ARHGAP24: variants seen among roughly 807,000 people sequenced by gnomAD.
The protein encoded by ARHGAP24 is rho GTPase-activating protein 24.
ARHGAP24 carries 50 observed loss-of-function variants against 76.4 expected under a neutral mutation model. The observed-to-expected ratio is 0.65, with a 90% CI of 0.52 to 0.83. The LOEUF (loss-of-function observed/expected upper bound fraction) is 0.83, where lower values mean the gene tolerates loss of function less well. Ranked by LOEUF, ARHGAP24 falls within the 40% of genes least tolerant of loss-of-function variation. The pLI, the probability that ARHGAP24 is intolerant of heterozygous loss-of-function variation, is 0.00. For synonymous variants in ARHGAP24, 345 were observed against 323.3 expected (o/e 1.07, Z -0.72); for missense variants, 930 against 914.2 (o/e 1.02, Z -0.22).
chr4:85,951,444 G>A (rs796518585), intron 5 of ARHGAP24, among the ~76,000 whole-genome samples: 9 of 152,152 alleles, frequency 5.9e-5, no homozygotes, highest in African/African-American at 2.2e-4. Context: ...GCCAGGGAAC[G>A]TTCGTTAGTT....
chr4:85,934,926 TAC>T (rs376594899), intron 4 of ARHGAP24, among the ~76,000 whole-genome samples: 27 of 151,420 alleles, frequency 1.8e-4, no homozygotes, highest in Non-Finnish European at 2.8e-4. Context: ...TGCGTGCACA[TAC>T]ACACACACAC....
intron 5 of ARHGAP24, among the ~76,000 whole-genome samples, chr4:85,954,514 C>T (rs346486): frequency 0.65 from 99,425 of 152,094 alleles, 33,740 homozygotes; most frequent in African/African-American, 0.83. Flanking sequence ...ATGCACCAAA[C>T]ATTTATCAAG....
intron 1 of ARHGAP24, among the ~76,000 whole-genome samples, chr4:85,555,690 G>A (rs1276872102): frequency 6.6e-5 from 10 of 152,194 alleles, no homozygotes; most frequent in Admixed American, 6.5e-4. Context: ...GCAGGAGAAG[G>A]GACCTTGCCA....
In ARHGAP24 at chr4:85,612,792, C is replaced by CTTTTTTTTTTT. The variant is rs70948739; in HGVS notation, c.180+42083_180+42093dup. ...AGCTAAAGCCCTATCCTTTCCATTCCTTTTTTTTTTTTTTTTTTTTTTGTG... is the reference window on the plus strand; with the variant it reads ...AGCTAAAGCCCTATCCTTTCCATTCCTTTTTTTTTTTTTTTTTTTTTTTTTTTTTTTTTGTG... On this transcript the variant is annotated intron_variant, in intron 2 of 9. Transcript: ENST00000395184. Among the ~76,000 whole-genome samples the CTTTTTTTTTTT allele has an allele frequency of 1.2e-3, 101 of 82,784 alleles. 5 individuals are homozygous for CTTTTTTTTTTT. The highest frequency in any genetic ancestry group is 4.4e-3 in the East Asian group (10 of 2,286). The allele number at this position is 82,784 out of a possible 152,430, so 54.3% of individuals were successfully genotyped here.
chr4:85,906,930 A>G (rs751751952), intron 3 of ARHGAP24, among the ~76,000 whole-genome samples: 3 of 152,156 alleles, frequency 2.0e-5, no homozygotes, highest in Non-Finnish European at 4.4e-5. Context: ...CATCGTTTCT[A>G]TTTTAAAGAA....
chr4:85,541,192 C>G (rs1327780756), intron 1 of ARHGAP24, among the ~76,000 whole-genome samples: 2 of 98,566 alleles, frequency 2.0e-5, no homozygotes, highest in African/African-American at 1.7e-4. Context: ...CTCGCTCTGT[C>G]GCCCAGGCTG....
chr4:85,643,210 CTTT>C (rs151056596), intron 2 of ARHGAP24, among the ~76,000 whole-genome samples: 24 of 62,128 alleles, frequency 3.9e-4, no homozygotes, highest in East Asian at 7.9e-3. Context: ...TTCTACTTTT[CTTT>C]TTTATTTTCC....
chr4:85,593,851 A>G (rs897298621), intron 2 of ARHGAP24, among the ~76,000 whole-genome samples: 10 of 151,990 alleles, frequency 6.6e-5, no homozygotes, highest in African/African-American at 2.4e-4. Context: ...TCTTAGTTAC[A>G]ATAGCTTTGT....
intron 3 of ARHGAP24, among the ~76,000 whole-genome samples, chr4:85,870,475 T>C (rs1732464530): frequency 1.3e-5 from 2 of 152,206 alleles, no homozygotes; most frequent in Admixed American, 6.6e-5. Flanking sequence ...GCAAAAGCTC[T>C]GATTTGTGTA....
intron 4 of ARHGAP24, among the ~76,000 whole-genome samples, chr4:85,929,747 A>G (rs3806762): frequency 0.67 from 102,167 of 152,142 alleles, 34,523 homozygotes; most frequent in African/African-American, 0.73. Flanking sequence ...ACACATACAC[A>G]TGTATAAATA....
At chr4:85,740,478 C>T (rs1375867944) in intron 3 of ARHGAP24, among the ~76,000 whole-genome samples, 1 of 152,030 alleles carries the variant, frequency 6.6e-6, no homozygotes, top group Non-Finnish European at 1.5e-5. Context: ...CTGCCTCGGC[C>T]TTATATAGGG....
At chr4:85,509,508 T>G (rs1724196037) in intron 1 of ARHGAP24, among the ~76,000 whole-genome samples, 1 of 152,044 alleles carries the variant, frequency 6.6e-6, no homozygotes, top group South Asian at 2.1e-4. Flanking sequence ...AACAAAATTC[T>G]TAGTATATTA....
intron 3 of ARHGAP24, among the ~76,000 whole-genome samples, chr4:85,737,056 C>T (rs1315495485): frequency 1.3e-5 from 2 of 152,016 alleles, no homozygotes; most frequent in Non-Finnish European, 2.9e-5. Context: ...TGAAGGTACT[C>T]AATGGAAAAA....
intron 3 of ARHGAP24, among the ~76,000 whole-genome samples, chr4:85,808,369 C>T (rs142771607): frequency 3.3e-5 from 5 of 152,214 alleles, no homozygotes; most frequent in African/African-American, 7.2e-5. Context: ...CACTTTGCCA[C>T]TTTAACCTTT....
At chr4:85,725,394 T>C (rs1578174658) in intron 3 of ARHGAP24, among the ~76,000 whole-genome samples, 1 of 152,330 alleles carries the variant, frequency 6.6e-6, no homozygotes, top group Non-Finnish European at 1.5e-5. Context: ...CTATTTCCTG[T>C]TGCATAGGAC....
intron 2 of ARHGAP24, among the ~76,000 whole-genome samples, chr4:85,576,634 C>CT (rs1401593094): frequency 6.7e-6 from 1 of 149,702 alleles, no homozygotes; most frequent in Admixed American, 6.6e-5. Context: ...GCATCTGATT[C>CT]TTTTGGTGTT....
intron 3 of ARHGAP24, among the ~76,000 whole-genome samples, chr4:85,765,702 GAT>G (rs1383513614): frequency 6.6e-6 from 1 of 152,048 alleles, no homozygotes; most frequent in African/African-American, 2.4e-5. Context: ...AGTAAGAATG[GAT>G]ATGAGTGTTT....
At chr4:85,816,234 T>C (rs776737126) in intron 3 of ARHGAP24, among the ~76,000 whole-genome samples, 10 of 152,218 alleles carry the variant, frequency 6.6e-5, no homozygotes, top group Non-Finnish European at 1.3e-4. Context: ...GTCATCATGC[T>C]GTACATTAGG....
At chr4:85,567,384 T>C (rs1436068517) in intron 1 of ARHGAP24, among the ~76,000 whole-genome samples, 1 of 152,046 alleles carries the variant, frequency 6.6e-6, no homozygotes, top group African/African-American at 2.4e-5. Context: ...ATTTGAACTA[T>C]TTTTTAGAGG....
Sources: allele counts gnomAD v4.1 joint callset (sites outside exome capture counted in the v4.1 genomes callset), GRCh38; gene constraint gnomAD v4.1.1; transcripts MANE v1.5; gene names NCBI Gene and HGNC (gene_info 2026-07-23, HGNC 2026-07-21).